VAMP7: variants seen among roughly 807,000 people sequenced by gnomAD.
The protein encoded by VAMP7 is vesicle-associated membrane protein 7.
Under a neutral mutation model 29.6 loss-of-function variants are expected in VAMP7, and 14 were observed. That is an observed-to-expected ratio of 0.47 (90% CI 0.31 to 0.74). VAMP7 has a LOEUF of 0.74. VAMP7 is among the 30% of genes least tolerant of loss of function. The pLI is 0.05. For synonymous variants in VAMP7, 95 were observed against 88.1 expected, an observed-to-expected ratio of 1.08 and a Z score of -0.44; for missense variants, 223 against 262.4, an observed-to-expected ratio of 0.85 and a Z score of 1.04.
At chrX:155,908,780 A>G (rs1235014973) in intron 5 of VAMP7, among the ~76,000 whole-genome samples, 2 of 151,906 alleles carry the variant, frequency 1.3e-5, no homozygotes, top group Non-Finnish European at 2.9e-5. Context: ...CTTTGTGTGA[A>G]GCTTTTTTGT....
At chrX:155,902,871 A>G (rs898764496) in intron 5 of VAMP7, among the ~76,000 whole-genome samples, 1 of 151,340 alleles carries the variant, frequency 6.6e-6, no homozygotes, top group Non-Finnish European at 1.5e-5. Flanking sequence ...TATCAGGATG[A>G]TGCTGGCTTC....
intron 6 of VAMP7, among the ~76,000 whole-genome samples, chrX:155,935,231 A>G (rs2066631232): frequency 6.6e-6 from 1 of 151,822 alleles, no homozygotes; most frequent in African/African-American, 2.4e-5. Flanking sequence ...TATTTCCTGA[A>G]TTTGAATGTT....
intron 1 of VAMP7, among the ~76,000 whole-genome samples, chrX:155,887,949 A>G (rs1366385448): frequency 1.3e-5 from 2 of 151,888 alleles, no homozygotes; most frequent in Admixed American, 6.6e-5. Flanking sequence ...AAAAAAAAAA[A>G]AAAAGAAAAG....
chrX:155,916,681 G>A lies in VAMP7; in HGVS notation c.434-3132G>A, dbSNP rs143248917. Among the ~76,000 whole-genome samples, 15 of 152,078 alleles carry A rather than the reference G, an allele frequency of 9.9e-5. 1 individual carries two copies. Among genetic ancestry groups the A allele is most frequent in the African/African-American group, 3.6e-4 (15 of 41,488 alleles). ...TTTTCTTTAAGAATGTTGAATATTC[G>A]CCCCCAGTCTCTTCTGGCTTGTAGG... On this transcript the variant is annotated intron_variant, in intron 5 of 7. Coordinates refer to ENST00000286448, the MANE Select transcript of VAMP7 (RefSeq NM_005638.6).
At chrX:155,886,117 A>T (rs1250386701) in intron 1 of VAMP7, among the ~76,000 whole-genome samples, 1 of 151,732 alleles carries the variant, frequency 6.6e-6, no homozygotes. Flanking sequence ...TTATCTTTTC[A>T]TTCTTTTTCT....
chrX:155,883,783 T>C (rs1181777378), intron 1 of VAMP7, among the ~76,000 whole-genome samples: 1 of 149,546 alleles, frequency 6.7e-6, no homozygotes, highest in Non-Finnish European at 1.5e-5. Context: ...CGATCTCGGC[T>C]CACTGCAACC....
At chrX:155,923,471 T>G (rs2066423782) in intron 6 of VAMP7, among the ~76,000 whole-genome samples, 1 of 151,780 alleles carries the variant, frequency 6.6e-6, no homozygotes, top group Non-Finnish European at 1.5e-5. Flanking sequence ...GAATTCTAGG[T>G]CAGTGATTTT....
At chrX:155,915,354 C>A (rs918258825) in intron 5 of VAMP7, among the ~76,000 whole-genome samples, 3 of 152,050 alleles carry the variant, frequency 2.0e-5, no homozygotes, top group Non-Finnish European at 4.4e-5. Flanking sequence ...TTTTTCATGT[C>A]TCTTTCTCCT....
intron 3 of VAMP7, among the ~76,000 whole-genome samples, chrX:155,895,971 G>A (rs1206676868): frequency 3.9e-5 from 6 of 152,054 alleles, no homozygotes; most frequent in Non-Finnish European, 8.8e-5. Flanking sequence ...AGAATCTAAT[G>A]CCTGATGATC....
intron 5 of VAMP7, among the ~76,000 whole-genome samples, chrX:155,906,359 C>T (rs1230254145): frequency 1.3e-5 from 2 of 152,130 alleles, no homozygotes; most frequent in Admixed American, 1.3e-4. Context: ...TTTCCATCCT[C>T]TGACCCCCTC....
intron 6 of VAMP7, among the ~76,000 whole-genome samples, chrX:155,933,869 A>G (rs1266342509): frequency 6.6e-6 from 1 of 152,236 alleles, no homozygotes; most frequent in East Asian, 1.9e-4. Flanking sequence ...ACACTGCTTT[A>G]AATGTGTCCC....
chrX:155,887,876 A>G (rs1385497476), intron 1 of VAMP7, among the ~76,000 whole-genome samples: 1 of 151,242 alleles, frequency 6.6e-6, no homozygotes, highest in African/African-American at 2.4e-5. Flanking sequence ...GGCTGTAGTG[A>G]GCCAAGATTG....
intron 6 of VAMP7, among the ~76,000 whole-genome samples, chrX:155,924,527 A>G (rs1008024509): frequency 3.9e-5 from 6 of 152,158 alleles, no homozygotes; most frequent in Admixed American, 6.5e-5. Flanking sequence ...GATATGTCAT[A>G]TAAGTGGGAT....
At chrX:155,936,681 C>T (rs1022163097) in intron 6 of VAMP7, among the ~76,000 whole-genome samples, 8 of 152,192 alleles carry the variant, frequency 5.3e-5, no homozygotes, top group African/African-American at 1.2e-4. Flanking sequence ...CTTCGGCTCA[C>T]GCTCGGTGGG....
chrX:155,910,586 G>GTTTT (rs57564977), intron 5 of VAMP7, among the ~76,000 whole-genome samples: 322 of 133,980 alleles, frequency 2.4e-3, no homozygotes, highest in African/African-American at 8.2e-3. Flanking sequence ...GTGTGTAAGT[G>GTTTT]TTTTTTTTTT....
At chrX:155,932,428 C>T (rs1328347879) in intron 6 of VAMP7, among the ~76,000 whole-genome samples, 1 of 152,086 alleles carries the variant, frequency 6.6e-6, no homozygotes, top group Non-Finnish European at 1.5e-5. Context: ...CTTCACATCC[C>T]TTGTAAGTTG....
At chrX:155,892,398 A>G (rs1363018198) in intron 2 of VAMP7, among the ~76,000 whole-genome samples, 1 of 152,034 alleles carries the variant, frequency 6.6e-6, no homozygotes, top group Admixed American at 6.6e-5. Flanking sequence ...CCTTAACGGG[A>G]CTTGGAATAT....
At chrX:155,927,428 G>GA (rs1160857606) in intron 6 of VAMP7, among the ~76,000 whole-genome samples, 1 of 116,178 alleles carries the variant, frequency 8.6e-6, no homozygotes, top group African/African-American at 3.2e-5. Context: ...AAACAAACCA[G>GA]AAAAATGGTG....
intron 5 of VAMP7, among the ~76,000 whole-genome samples, chrX:155,910,586 GTT>G (rs57564977): frequency 2.2e-5 from 3 of 133,980 alleles, no homozygotes; most frequent in African/African-American, 5.4e-5. Flanking sequence ...GTGTGTAAGT[GTT>G]TTTTTTTTTT....
Sources: allele counts gnomAD v4.1 joint callset (sites outside exome capture counted in the v4.1 genomes callset), GRCh38; gene constraint gnomAD v4.1.1; transcripts MANE v1.5; gene names NCBI Gene and HGNC (gene_info 2026-07-23, HGNC 2026-07-21).